The following POTEI variants were observed in gnomAD, a reference collection of about 807,000 sequenced individuals.
POTEI encodes POTE ankyrin domain family, member I.
Under a neutral mutation model 43.4 loss-of-function variants are expected in POTEI, and 14 were observed. The ratio of observed to expected loss-of-function variants is 0.32; its 90% confidence interval spans 0.21 to 0.50. POTEI has a LOEUF of 0.50. POTEI is among the 20% of genes least tolerant of loss of function. The pLI is 0.98. For missense variants in POTEI, 235 were observed against 795.4 expected (o/e 0.30, Z 8.47); for synonymous variants, 95 against 297.9 (o/e 0.32, Z 7.01).
In POTEI at chr2:130,509,288, A is replaced by C; in HGVS notation, c.-53T>G. 1.2e-6 allele frequency: 1 copy of C among 827,112 alleles called. No homozygotes were observed. The highest frequency in any genetic ancestry group is 2.4e-5 in the African/African-American group (1 of 41,980). 51.2% of individuals were successfully genotyped at this position (827,112 alleles called of 1,614,324 possible). On this transcript the variant is annotated 5_prime_UTR_variant, in exon 1 of 15. Coordinates refer to ENST00000451531, the MANE Select transcript of POTEI (RefSeq NM_001277406.2). ...TAGTAGCGAGCAGATCACGTCTACC[A>C]ACCAGTTTCACCAACTAGCAGGTAA...
chr2:130,489,551 AC>A (rs1295282879), intron 7 of POTEI, among the ~76,000 whole-genome samples: 2 of 9,148 alleles, frequency 2.2e-4, no homozygotes, highest in African/African-American at 2.3e-4. Flanking sequence ...AAGAAAAAAA[AC>A]GTGAACCAGC....
Position 130,479,207 on chromosome 2 carries a change from T to G in POTEI, c.1481-2506A>C, listed in dbSNP as rs2672207. ...TATATTCCCACTGCCACTGGGAACA[T>G]AAACATTTACAAAATGACTTCTATT... is the stretch of plus-strand genomic sequence containing the variant. On this transcript the variant is annotated intron_variant, in intron 10 of 14. Transcript: ENST00000451531. Among the ~76,000 whole-genome samples, 871 of 149,136 alleles carry G rather than the reference T, an allele frequency of 5.8e-3. 11 individuals carry two copies. Among genetic ancestry groups the G allele is most frequent in the African/African-American group, 0.019 (771 of 39,540 alleles).
At chr2:130,479,748 A>G (rs1296796319) in intron 10 of POTEI, among the ~76,000 whole-genome samples, 1 of 43,126 alleles carries the variant, frequency 2.3e-5, no homozygotes, top group African/African-American at 8.7e-5. Flanking sequence ...ACTCAAATTT[A>G]ATCTTGTGAC....
Position 130,461,433 on chromosome 2 carries a change from G to A in POTEI, c.*1383C>T, listed in dbSNP as rs1160762047. ...AAGACTTCACCCACTGACTAGAAAT[G>A]TGGTCAGGGACTGACGTAAACAAGA... is the stretch of plus-strand genomic sequence containing the variant. On this transcript the variant is annotated 3_prime_UTR_variant, in exon 15 of 15. Coordinates refer to ENST00000451531, the MANE Select transcript of POTEI (RefSeq NM_001277406.2). 2 of 152,062 alleles carry A rather than the reference G, an allele frequency of 1.3e-5. No homozygotes were observed. Among genetic ancestry groups the A allele is most frequent in the Non-Finnish European group, 2.9e-5 (2 of 68,122 alleles). The allele number at this position is 152,062 out of a possible 1,614,324, so 9.4% of individuals were successfully genotyped here. A position where few individuals can be genotyped will look rare whatever the true frequency, so the allele number is the denominator to read the frequency against.
At chr2:130,473,688 C>T (rs1314524953) in intron 13 of POTEI, among the ~76,000 whole-genome samples, 1 of 23,830 alleles carries the variant, frequency 4.2e-5, no homozygotes. Flanking sequence ...TATAACATAT[C>T]TATACAAATA....
intron 9 of POTEI, among the ~76,000 whole-genome samples, chr2:130,482,390 A>T (rs1251322393): frequency 1.3e-5 from 2 of 150,296 alleles, no homozygotes; most frequent in South Asian, 4.2e-4. Flanking sequence ...TTTGCTCTTG[A>T]ACAAGCTGCT....
chr2:130,479,267 T>C (rs1203520076), intron 10 of POTEI, among the ~76,000 whole-genome samples: 5 of 150,802 alleles, frequency 3.3e-5, no homozygotes, highest in Non-Finnish European at 5.9e-5. Flanking sequence ...TGTTATTTCT[T>C]ACAGGAAAAA....
chr2:130,478,640 A>G (rs1227358454), intron 10 of POTEI, among the ~76,000 whole-genome samples: 14 of 132,448 alleles, frequency 1.1e-4, no homozygotes, highest in African/African-American at 4.4e-4. Flanking sequence ...TCTAGGACCG[A>G]ATTTGCTGTG....
intron 10 of POTEI, among the ~76,000 whole-genome samples, chr2:130,478,884 A>G (rs1821948): frequency 0.3 from 5,700 of 19,110 alleles, 878 homozygotes; most frequent in East Asian, 0.89. Context: ...ATTACTGAGA[A>G]TCAAACTAGT....
chr2:130,483,368 AAAATAAAAT>A lies in POTEI; in HGVS notation c.1410-1304_1410-1296del. On this transcript the variant is annotated intron_variant, in intron 9 of 14. Coordinates refer to ENST00000451531, the MANE Select transcript of POTEI (RefSeq NM_001277406.2). ...CAGTGAGACTCCATCTCAAAAAAAT[AAAATAAAAT>A]AAAATAAAATAGTAAAGTTTGCAAT... Among the ~76,000 whole-genome samples the A allele has an allele frequency of 1.5e-3, 7 of 4,812 alleles. No homozygotes were observed. The Non-Finnish European group carries it at 0.33, about 229-fold the overall frequency. The allele number at this position is 4,812 out of a possible 152,430, so 3.2% of individuals were successfully genotyped here.
chr2:130,505,038 A>G (rs7569446), intron 1 of POTEI, among the ~76,000 whole-genome samples: 306 of 145,224 alleles, frequency 2.1e-3, no homozygotes, highest in African/African-American at 2.9e-3. Context: ...GTACCTGTTC[A>G]TTCTATTTCC....
upstream of POTEI, chr2:130,509,466 C>A (rs1684284481): frequency 6.8e-6 from 2 of 292,718 alleles, no homozygotes; most frequent in Admixed American, 7.2e-5. Context: ...CCCCCCCCCC[C>A]AAGAAAACAC....
At chr2:130,491,707 C>T (rs1683742388) in intron 6 of POTEI, among the ~76,000 whole-genome samples, 1 of 94,886 alleles carries the variant, frequency 1.1e-5, no homozygotes, top group Non-Finnish European at 2.3e-5. Context: ...GGCTGGAGTG[C>T]AGTGGCGCAA....
intron 13 of POTEI, among the ~76,000 whole-genome samples, chr2:130,467,631 TA>T (rs1436177216): frequency 6.6e-6 from 1 of 151,732 alleles, no homozygotes; most frequent in African/African-American, 2.4e-5. Flanking sequence ...AAGACCTAAT[TA>T]AACTAAAAAG....
intron 3 of POTEI, among the ~76,000 whole-genome samples, chr2:130,501,948 C>A (rs1684068629): frequency 3.2e-4 from 1 of 3,126 alleles, no homozygotes; most frequent in African/African-American, 4.5e-4. Context: ...TTAAAGAAAT[C>A]AGCACATATC....
rs773409226 is a variant in POTEI at position 130,508,974 on chromosome 2, C to G, written c.262G>C (p.Asp88His). ...CTCCTGAGCGTCTTCATAGCGGAGT[C>G]GTCGTGGTCTCCAGAAGTGCCCACG... ...SNVGTSGDHD[D>H]SAMKTLRSKM... The change falls in exon 1 of 15, where the codon GAC becomes CAC. Residue 88 changes from aspartate to histidine, a missense_variant. Transcript: ENST00000451531. 3 of 1,597,080 alleles carry G rather than the reference C, an allele frequency of 1.9e-6. No homozygotes were observed. The highest frequency in any genetic ancestry group is 8.5e-7 in the Non-Finnish European group (1 of 1,173,028).
intron 12 of POTEI, 29 bp from the exon 13 acceptor site, chr2:130,474,588 C>G: frequency 8.6e-6 from 2 of 233,804 alleles, no homozygotes; most frequent in Non-Finnish European, 1.5e-5. Context: ...AAGAAATTAT[C>G]TACTTTAGGC....
At chr2:130,486,868 A>T (rs1010987258) in intron 9 of POTEI, among the ~76,000 whole-genome samples, 12 of 127,656 alleles carry the variant, frequency 9.4e-5, no homozygotes, top group African/African-American at 3.5e-4. Flanking sequence ...AGATCCTTTG[A>T]TACATTTTAA....
intron 6 of POTEI, among the ~76,000 whole-genome samples, chr2:130,491,792 T>G: frequency 9.3e-6 from 1 of 107,034 alleles, no homozygotes; most frequent in South Asian, 4.2e-4. Flanking sequence ...GAAGCTGGGA[T>G]TACAGGCATG....
Sources: gnomAD v4.1 joint callset for allele counts (sites outside exome capture counted in the v4.1 genomes callset) on GRCh38, gnomAD v4.1.1 for gene constraint, MANE v1.5 for transcripts, NCBI Gene and HGNC (gene_info 2026-07-23, HGNC 2026-07-21) for gene names.